Variants in CNTN4 observed in about 807,000 individuals in gnomAD.
CNTN4 encodes contactin 4.
CNTN4 carries 77 observed loss-of-function variants against 122.5 expected under a neutral mutation model. That is an observed-to-expected ratio of 0.63 (90% CI 0.52 to 0.76). The LOEUF (loss-of-function observed/expected upper bound fraction) is 0.76. Ranked by LOEUF, CNTN4 falls within the 30% of genes least tolerant of loss-of-function variation. The pLI, the probability that CNTN4 is intolerant of heterozygous loss-of-function variation, is 0.00. For synonymous variants in CNTN4, 512 were observed against 447.0 expected, an observed-to-expected ratio of 1.15 and a Z score of -1.83; for missense variants, 1,256 against 1,259.1, an observed-to-expected ratio of 1.00 and a Z score of 0.04.
chr3:2,700,495 T>G (rs1343273485), intron 4 of CNTN4, among the ~76,000 whole-genome samples: 1 of 152,230 alleles, frequency 6.6e-6, no homozygotes. Flanking sequence ...TAGAGGCTCT[T>G]TGACCTCTTC....
chr3:2,508,981 A>G (rs575158603), intron 3 of CNTN4, among the ~76,000 whole-genome samples: 1 of 152,228 alleles, frequency 6.6e-6, no homozygotes, highest in Admixed American at 6.5e-5. Flanking sequence ...GTTAGTAATT[A>G]ACACCTACCA....
At chr3:2,660,560 A>G (rs540463948) in intron 4 of CNTN4, among the ~76,000 whole-genome samples, 55 of 152,338 alleles carry the variant, frequency 3.6e-4, no homozygotes, top group Non-Finnish European at 6.8e-4. Context: ...TGTCCAGGCA[A>G]TTAAAACTGT....
intron 3 of CNTN4, among the ~76,000 whole-genome samples, chr3:2,518,215 A>ATG (rs59623316): frequency 0.045 from 6,850 of 150,792 alleles, 359 homozygotes; most frequent in African/African-American, 0.13. Context: ...TTAGGTTAAT[A>ATG]TGTGTGTGTG....
chr3:3,028,640 A>ACACATCCC (rs1289716996), intron 15 of CNTN4, among the ~76,000 whole-genome samples: 1 of 152,152 alleles, frequency 6.6e-6, no homozygotes, highest in Non-Finnish European at 1.5e-5. Flanking sequence ...CCTTCCCTGC[A>ACACATCCC]CGCATCCCCT....
chr3:2,704,608 A>C (rs1204492018), intron 4 of CNTN4, among the ~76,000 whole-genome samples: 1 of 152,168 alleles, frequency 6.6e-6, no homozygotes, highest in African/African-American at 2.4e-5. Flanking sequence ...GGTTCTCTTG[A>C]ACAGGCATCA....
intron 3 of CNTN4, chr3:2,362,219 C>T (rs923276209): frequency 5.7e-6 from 1 of 174,430 alleles, no homozygotes; most frequent in South Asian, 1.3e-4. Flanking sequence ...TAACTTTATT[C>T]TAACAACAAG....
intron 3 of CNTN4, among the ~76,000 whole-genome samples, chr3:2,354,612 A>G (rs887322299): frequency 3.3e-5 from 5 of 152,196 alleles, no homozygotes; most frequent in African/African-American, 1.2e-4. Flanking sequence ...CACCAGAGTG[A>G]TACCAGAGCA....
rs543994554 is a variant in CNTN4 at position 2,424,173 on chromosome 3, G to A, written c.-89+84940G>A. On this transcript the variant is annotated intron_variant, in intron 3 of 24. Coordinates refer to ENST00000418658, the MANE Select transcript of CNTN4 (RefSeq NM_175607.3). ...GTTGGTGTGCTACACCCATTAACTCGTCATTTACATTAGGTATGTTTCCTA... is the reference window on the plus strand; with the variant it reads ...GTTGGTGTGCTACACCCATTAACTCATCATTTACATTAGGTATGTTTCCTA... Among the ~76,000 whole-genome samples, 364 of 148,560 alleles carry A rather than the reference G, an allele frequency of 2.5e-3. 1 individual carries two copies. Among genetic ancestry groups the A allele is most frequent in the Non-Finnish European group, 4.0e-3 (273 of 67,462 alleles).
chr3:2,998,111 G>A (rs910401362), intron 14 of CNTN4, among the ~76,000 whole-genome samples: 2 of 152,148 alleles, frequency 1.3e-5, no homozygotes, highest in Admixed American at 6.5e-5. Flanking sequence ...GATAGAACAT[G>A]TATCTGCCTC....
chr3:2,834,644 A>G (rs895826353), intron 7 of CNTN4, among the ~76,000 whole-genome samples: 1 of 152,164 alleles, frequency 6.6e-6, no homozygotes, highest in Non-Finnish European at 1.5e-5. Flanking sequence ...GATGAGCAAA[A>G]AAGCATACAT....
At chr3:2,194,410 A>G (rs1417387583) in intron 2 of CNTN4, among the ~76,000 whole-genome samples, 1 of 152,106 alleles carries the variant, frequency 6.6e-6, no homozygotes, top group Admixed American at 6.6e-5. Flanking sequence ...GGAGGAAACC[A>G]TGATCGCGCC....
At chr3:2,941,476 T>C (rs2094614717) in intron 13 of CNTN4, among the ~76,000 whole-genome samples, 1 of 152,236 alleles carries the variant, frequency 6.6e-6, no homozygotes, top group Non-Finnish European at 1.5e-5. Flanking sequence ...ACACCACCTC[T>C]CTCTGATCGC....
chr3:2,705,949 A>G (rs1303614387), intron 4 of CNTN4, among the ~76,000 whole-genome samples: 1 of 130,036 alleles, frequency 7.7e-6, no homozygotes, highest in Non-Finnish European at 1.6e-5. Flanking sequence ...ATAAATATAT[A>G]ATATATAAAT....
rs376541780 is a variant in CNTN4 at position 3,034,621 on chromosome 3, C to G, written c.1784-11C>G. On this transcript the variant is annotated splice_polypyrimidine_tract_variant and intron_variant, in intron 16 of 24. Transcript: ENST00000418658. ...CACTGCTCCAATTCTGGGGGTCTTGCTCTTTCCCAGGTCCTCCAGGTCCCC... is the reference window on the plus strand; with the variant it reads ...CACTGCTCCAATTCTGGGGGTCTTGGTCTTTCCCAGGTCCTCCAGGTCCCC... The G allele has an allele frequency of 1.2e-6, 2 of 1,613,936 alleles. No homozygotes were observed. The highest frequency in any genetic ancestry group is 2.7e-5 in the African/African-American group (2 of 74,906).
At chr3:2,962,468 T>C (rs1186784501) in intron 13 of CNTN4, among the ~76,000 whole-genome samples, 3 of 152,300 alleles carry the variant, frequency 2.0e-5, no homozygotes, top group Admixed American at 6.5e-5. Flanking sequence ...AGGAATTTTA[T>C]TGGAAGGATA....
At chr3:2,856,611 C>T (rs189375145) in intron 7 of CNTN4, among the ~76,000 whole-genome samples, 3 of 152,322 alleles carry the variant, frequency 2.0e-5, no homozygotes, top group South Asian at 2.1e-4. Context: ...CCCAGATGGA[C>T]GGGCACAGCC....
intron 3 of CNTN4, among the ~76,000 whole-genome samples, chr3:2,489,359 T>A (rs1262822036): frequency 6.6e-6 from 1 of 152,130 alleles, no homozygotes; most frequent in African/African-American, 2.4e-5. Flanking sequence ...GTTCACCCAT[T>A]TTACTTATTT....
At chr3:2,600,649 C>A (rs372960962) in intron 4 of CNTN4, among the ~76,000 whole-genome samples, 4 of 152,190 alleles carry the variant, frequency 2.6e-5, no homozygotes, top group African/African-American at 9.6e-5. Flanking sequence ...TGAATAGTGC[C>A]ACAATAAACA....
At chr3:2,912,046 T>C (rs2173505) in intron 12 of CNTN4, among the ~76,000 whole-genome samples, 64,138 of 151,880 alleles carry the variant, frequency 0.42, 13,903 homozygotes, top group East Asian at 0.65. Flanking sequence ...GAAAACTTCC[T>C]GAGTCTGAGC....
Sources: allele counts gnomAD v4.1 joint callset (sites outside exome capture counted in the v4.1 genomes callset), GRCh38; gene constraint gnomAD v4.1.1; transcripts MANE v1.5; gene names NCBI Gene and HGNC (gene_info 2026-07-23, HGNC 2026-07-21).